The following MBTPS1 variants were observed in gnomAD, a reference collection of about 807,000 sequenced individuals.
The protein encoded by MBTPS1 is membrane-bound transcription factor site-1 protease.
In MBTPS1, 94 loss-of-function variants were observed where a neutral mutation model predicts 127.8. The ratio of observed to expected loss-of-function variants is 0.74; its 90% CI spans 0.62 to 0.87. The LOEUF (loss-of-function observed/expected upper bound fraction) is 0.87. Among genes scored for constraint, MBTPS1 ranks in the 40% least tolerant of loss-of-function variants. The probability of loss-of-function intolerance (pLI) is 0.00; values close to 1 mark genes in which losing one functional copy is unlikely to be tolerated. For missense variants in MBTPS1, 1,636 were observed against 1,353.2 expected (o/e 1.21, Z -3.28); for synonymous variants, 632 against 509.4 (o/e 1.24, Z -3.24).
chr16:84,106,014 G>C (rs1238566699), intron 1 of MBTPS1, among the ~76,000 whole-genome samples: 1 of 152,178 alleles, frequency 6.6e-6, no homozygotes, highest in Non-Finnish European at 1.5e-5. Context: ...AGAGAAAACA[G>C]CTAGGCACGA....
chr16:84,066,686 G>A (rs1374728200), intron 16 of MBTPS1, 73 bp from the exon 17 acceptor site: 19 of 1,416,860 alleles, frequency 1.3e-5, no homozygotes, highest in Non-Finnish European at 1.8e-5. Context: ...TAGTCTCTGT[G>A]ACAAAACTCA....
intron 1 of MBTPS1, among the ~76,000 whole-genome samples, chr16:84,103,980 T>C (rs1191239231): frequency 6.6e-6 from 1 of 152,194 alleles, no homozygotes; most frequent in Non-Finnish European, 1.5e-5. Flanking sequence ...AGAGGGCACC[T>C]AAAGCCACCC....
At chr16:84,071,080 T>A (rs73249024) in intron 12 of MBTPS1, among the ~76,000 whole-genome samples, 1 of 152,136 alleles carries the variant, frequency 6.6e-6, no homozygotes, top group Non-Finnish European at 1.5e-5. Context: ...AAAAACTTCA[T>A]CTGACTAAGA....
chr16:84,060,469 C>G (rs984949650), intron 20 of MBTPS1: 5 of 522,172 alleles, frequency 9.6e-6, no homozygotes, highest in Non-Finnish European at 1.4e-5. Flanking sequence ...CAGCTGCACA[C>G]TGGGTCCTCG....
chr16:84,060,918 T>G (rs909924247), intron 19 of MBTPS1, 105 bp from the exon 20 acceptor site: 2 of 1,128,764 alleles, frequency 1.8e-6, no homozygotes, highest in Non-Finnish European at 2.5e-6. Flanking sequence ...ACTGCAGCCT[T>G]GAGCTCCTGG....
rs1158924204 is a variant in MBTPS1, at chr16:84,094,802, T to C, written c.625+800A>G. On this transcript the variant is annotated intron_variant, in intron 4 of 22. Coordinates refer to ENST00000343411, the MANE Select transcript of MBTPS1 (RefSeq NM_003791.4). ...TGGGGAGACACACATTTTAATGAAATGCCAGTCCACCGGGTATTAAAAGTT... is the reference window on the plus strand; with the variant it reads ...TGGGGAGACACACATTTTAATGAAACGCCAGTCCACCGGGTATTAAAAGTT... Among the ~76,000 whole-genome samples the C allele has an allele frequency of 2.0e-5, 3 of 152,182 alleles. 1 individual carries two copies. Among genetic ancestry groups the C allele is most frequent in the African/African-American group, 7.2e-5 (3 of 41,440 alleles).
intron 18 of MBTPS1, among the ~76,000 whole-genome samples, chr16:84,064,325 A>T (rs1390786944): frequency 2.6e-5 from 4 of 152,130 alleles, no homozygotes; most frequent in Non-Finnish European, 4.4e-5. Flanking sequence ...GGAAGAGGGA[A>T]GCAGTCAGGA....
chr16:84,060,850 T>C lies in MBTPS1; in HGVS notation c.2573-37A>G, dbSNP rs375580667. On this transcript the variant is annotated intron_variant, in intron 19 of 22. Coordinates refer to ENST00000343411, the MANE Select transcript of MBTPS1 (RefSeq NM_003791.4). ...ACAAGCCTGTTTAGGAATTCCTTTTTTTTTTTCCAGACAGAGTCACGCTCT... is the reference window on the plus strand; with the variant it reads ...ACAAGCCTGTTTAGGAATTCCTTTTCTTTTTTCCAGACAGAGTCACGCTCT... 7.2e-6 allele frequency: 11 copies of C among 1,537,038 alleles called. No individual in the cohort carries two copies. In the African/African-American group the frequency reaches 1.1e-4, roughly 15 times the overall value.
At chr16:84,092,594 C>T (rs2086124544) in intron 6 of MBTPS1, among the ~76,000 whole-genome samples, 1 of 152,136 alleles carries the variant, frequency 6.6e-6, no homozygotes, top group African/African-American at 2.4e-5. Context: ...GTGGGGGTCT[C>T]ACTGTGTTAC....
In MBTPS1 at chr16:84,093,090, C is replaced by T. The variant is rs141089380; in HGVS notation, c.846+98G>A. 3.3e-4 allele frequency: 272 copies of T among 823,446 alleles called. 1 individual carries two copies. The East Asian group carries it at 4.4e-3, about 13-fold the overall frequency. 51.0% of individuals were successfully genotyped at this position (823,446 alleles called of 1,614,324 possible). On this transcript the variant is annotated intron_variant, in intron 6 of 22. Transcript: ENST00000343411. ...AGTATGAATGGCTCAGCGTCACTGA[C>T]GTGCACTCCTTTTACACAAGTGTGT...
chr16:84,083,962 G>A (rs1037730942), intron 10 of MBTPS1, among the ~76,000 whole-genome samples: 15 of 152,150 alleles, frequency 9.9e-5, no homozygotes, highest in Admixed American at 3.3e-4. Context: ...GAACTTTATT[G>A]ATTGATTGGC....
At chr16:84,110,792 C>G (rs1356161247) in intron 1 of MBTPS1, 1 of 152,220 alleles carries the variant, frequency 6.6e-6, no homozygotes, top group Non-Finnish European at 1.5e-5. Context: ...CCACACTCTT[C>G]AGAGGCAGGT....
In MBTPS1 at chr16:84,085,583, A is replaced by ACCCC. The variant is rs1321256999; in HGVS notation, c.1135-450_1135-449insGGGG. On this transcript the variant is annotated intron_variant, in intron 9 of 22. Coordinates refer to ENST00000343411, the MANE Select transcript of MBTPS1 (RefSeq NM_003791.4). ...CAGCCCCGCACCCGCCCCCCCCCCAAAAAAAAAGAGAAAAAAACAAAGAAA... is the reference window on the plus strand; with the variant it reads ...CAGCCCCGCACCCGCCCCCCCCCCAACCCCAAAAAAAGAGAAAAAAACAAAGAAA... Among the ~76,000 whole-genome samples, 7 of 82,588 alleles carry ACCCC rather than the reference A, an allele frequency of 8.5e-5. No individual in the cohort carries two copies. The South Asian group carries it at 1.4e-3, about 17-fold the overall frequency. 54.2% of individuals were successfully genotyped at this position (82,588 alleles called of 152,430 possible).
chr16:84,068,489 G>C, intron 14 of MBTPS1, 35 bp from the exon 15 acceptor site: 1 of 1,417,374 alleles, frequency 7.1e-7, no homozygotes, highest in Non-Finnish European at 1.0e-6. Context: ...TAAAATGATC[G>C]ATCTTTACTG....
Position 84,085,072 on chromosome 16 carries a change from C to T in MBTPS1, c.1197G>A (p.Arg399=). The T allele has an allele frequency of 1.2e-6, 2 of 1,614,192 alleles. No individual in the cohort carries two copies. The highest frequency in any genetic ancestry group is 1.7e-6 in the Non-Finnish European group (2 of 1,180,034). Residue 399 remains arginine, a synonymous_variant, in exon 10 of 23, where the codon CGG becomes CGA. Coordinates refer to ENST00000343411, the MANE Select transcript of MBTPS1 (RefSeq NM_003791.4). The part of the protein sequence containing the change: ...PDIVTYGAGV[R]GSGVKGGCRA... ...GGCACCCCCCTTTCACGCCAGAACCCCGCACGCCAGCACCATAGGTGACAA... is the reference window on the plus strand; with the variant it reads ...GGCACCCCCCTTTCACGCCAGAACCTCGCACGCCAGCACCATAGGTGACAA...
chr16:84,084,116 C>T (rs2085983589), intron 10 of MBTPS1, among the ~76,000 whole-genome samples: 3 of 152,196 alleles, frequency 2.0e-5, no homozygotes, highest in South Asian at 2.1e-4. Context: ...CCCACCACCA[C>T]ACCTGGCTAA....
intron 6 of MBTPS1, 132 bp downstream of exon 6, chr16:84,093,056 G>A (rs758582675): frequency 7.2e-5 from 49 of 680,328 alleles, no homozygotes; most frequent in Non-Finnish European, 1.2e-4. Flanking sequence ...AACTGAGCAT[G>A]CGTGCTGCAG....
intron 2 of MBTPS1, 56 bp downstream of exon 2, chr16:84,101,565 A>C: frequency 6.9e-7 from 1 of 1,447,310 alleles, no homozygotes; most frequent in Non-Finnish European, 9.5e-7. Flanking sequence ...TTTTATATTA[A>C]GTAAGCTTTA....
intron 22 of MBTPS1, 36 bp downstream of exon 22, chr16:84,055,969 T>G (rs2085515561): frequency 6.3e-7 from 1 of 1,597,206 alleles, no homozygotes; most frequent in Non-Finnish European, 8.6e-7. Context: ...AAATACAGGA[T>G]GACTGAGCAC....
Sources: allele counts gnomAD v4.1 joint callset (sites outside exome capture counted in the v4.1 genomes callset), GRCh38; gene constraint gnomAD v4.1.1; transcripts MANE v1.5; gene names NCBI Gene and HGNC (gene_info 2026-07-23, HGNC 2026-07-21).